ANKDD1A: variants seen among roughly 807,000 people sequenced by gnomAD.
ANKDD1A encodes ankyrin repeat and death domain-containing protein 1A.
Under a neutral mutation model 63.5 loss-of-function variants are expected in ANKDD1A, and 59 were observed. The observed-to-expected ratio is 0.93, with a 90% CI of 0.75 to 1.15. The LOEUF (loss-of-function observed/expected upper bound fraction) is 1.15, where lower values mean the gene tolerates loss of function less well. ANKDD1A is among the 50% of genes most tolerant of loss of function. ANKDD1A has a pLI of 0.00. For missense variants in ANKDD1A, 632 were observed against 656.4 expected, an observed-to-expected ratio of 0.96 and a Z score of 0.41; for synonymous variants, 266 against 263.9, an observed-to-expected ratio of 1.01 and a Z score of -0.08.
rs115720807 is a variant in ANKDD1A at position 64,943,824 on chromosome 15, T to C, written c.1065+242T>C. 2.7e-3 allele frequency: 1,440 copies of C among 531,712 alleles called. 13 individuals are homozygous for C. Among genetic ancestry groups the C allele is most frequent in the African/African-American group, 0.023 (1,200 of 52,620 alleles). The allele number at this position is 531,712 out of a possible 1,614,324, so 32.9% of individuals were successfully genotyped here. ...CCTCTGGTATAGGCCTGTGAAATGA[T>C]TGCTTTCTCCTTTATGGCCCCCATC... On this transcript the variant is annotated intron_variant, in intron 11 of 14. Coordinates refer to ENST00000319580, the MANE Select transcript of ANKDD1A (RefSeq NM_182703.6).
Position 64,958,064 on chromosome 15 carries a change from G to C in ANKDD1A, c.*876G>C, listed in dbSNP as rs975609257. On this transcript the variant is annotated 3_prime_UTR_variant, in exon 15 of 15. Coordinates refer to ENST00000319580, the MANE Select transcript of ANKDD1A (RefSeq NM_182703.6). ...TTTAACTTTTGAAATGTGTGAGAGT[G>C]TTACTTACTGAAAACTGAAAGGATA... 6.6e-6 allele frequency: 1 copy of C among 152,178 alleles called. No individual in the cohort carries two copies. Among genetic ancestry groups the C allele is most frequent in the Non-Finnish European group, 1.5e-5 (1 of 68,034 alleles). The allele number at this position is 152,178 out of a possible 1,614,324, so 9.4% of individuals were successfully genotyped here.
intron 9 of ANKDD1A, among the ~76,000 whole-genome samples, chr15:64,942,090 G>A (rs1001393473): frequency 5.9e-5 from 9 of 152,114 alleles, no homozygotes; most frequent in African/African-American, 1.9e-4. Flanking sequence ...TACTTCCTAG[G>A]TTGATGTGTG....
intron 3 of ANKDD1A, among the ~76,000 whole-genome samples, chr15:64,920,938 G>A (rs1014909719): frequency 1.1e-4 from 16 of 152,066 alleles, no homozygotes; most frequent in East Asian, 3.9e-4. Flanking sequence ...CAGGGACAAC[G>A]TATTTTTCAT....
intron 9 of ANKDD1A, among the ~76,000 whole-genome samples, chr15:64,941,817 T>G (rs764957394): frequency 1.3e-5 from 2 of 152,182 alleles, no homozygotes; most frequent in Non-Finnish European, 2.9e-5. Flanking sequence ...GGATGGTGTC[T>G]TCCACTGTTG....
intron 14 of ANKDD1A, among the ~76,000 whole-genome samples, chr15:64,955,149 G>T (rs1023489494): frequency 2.0e-5 from 3 of 151,714 alleles, no homozygotes; most frequent in Non-Finnish European, 2.9e-5. Flanking sequence ...CACCTCCCAG[G>T]TTCACGCCAT....
rs34988193 is a variant in ANKDD1A, at chr15:64,943,580, A to G, written c.1063A>G (p.Lys355Glu). ...IAGVDLNLRD[K>E]QGKTALAVAV... ...TGGGGTTGACTTAAACCTGAGAGAT[A>G]AGGTACCTCTGCTTACAACCCACCT... is the stretch of plus-strand genomic sequence containing the variant. Residue 355 changes from lysine (K) to glutamate (E), a missense_variant and splice_region_variant, in exon 11 of 15, where the codon AAG becomes GAG. Transcript: ENST00000319580. The G allele has an allele frequency of 0.33, 540,056 of 1,613,114 alleles. 94,663 individuals carry two copies. Among genetic ancestry groups the G allele is most frequent in the South Asian group, 0.45 (40,880 of 91,062 alleles).
chr15:64,918,680 G>A (rs1163475280), intron 3 of ANKDD1A, among the ~76,000 whole-genome samples: 2 of 152,140 alleles, frequency 1.3e-5, no homozygotes, highest in Non-Finnish European at 2.9e-5. Flanking sequence ...TTGGCCAGGT[G>A]CGGTGGCTCA....
At chr15:64,920,827 G>A (rs1043472393) in intron 3 of ANKDD1A, among the ~76,000 whole-genome samples, 9 of 151,688 alleles carry the variant, frequency 5.9e-5, no homozygotes, top group African/African-American at 2.2e-4. Context: ...TGAGATTACA[G>A]GCATGAGCCA....
At chr15:64,942,776 A>G (rs529843947) in intron 10 of ANKDD1A, among the ~76,000 whole-genome samples, 2 of 151,934 alleles carry the variant, frequency 1.3e-5, no homozygotes, top group South Asian at 4.2e-4. Context: ...GGTGTTCCCA[A>G]GTTTTGGCCA....
intron 14 of ANKDD1A, among the ~76,000 whole-genome samples, chr15:64,952,083 CTT>C (rs1323368315): frequency 6.3e-3 from 26 of 4,100 alleles, no homozygotes; most frequent in East Asian, 0.036. Context: ...CTTCTTCCTT[CTT>C]TTCTTCCTCT....
At chr15:64,911,989 G>C (rs935791280) in intron 1 of ANKDD1A, 25 bp downstream of exon 1, 14 of 388,146 alleles carry the variant, frequency 3.6e-5, no homozygotes, top group African/African-American at 2.7e-4. Flanking sequence ...AGGAGGGAGG[G>C]GGGCGGGCCG....
At chr15:64,951,811 C>G (rs946511980) in intron 14 of ANKDD1A, among the ~76,000 whole-genome samples, 1 of 132,886 alleles carries the variant, frequency 7.5e-6, no homozygotes, top group Non-Finnish European at 1.6e-5. Context: ...CTCTTTTCTT[C>G]TTTCTTCCTC....
chr15:64,949,837 T>G lies in ANKDD1A; in HGVS notation c.1352-4T>G. On this transcript the variant is annotated splice_region_variant and splice_polypyrimidine_tract_variant and intron_variant, in intron 13 of 14. Transcript: ENST00000319580. Reference sequence around the variant, plus strand: ...CTCTCTCTCTCCTCCCTCACTGTTCTCAGGCACCAGGAGCTATCAGGAGCA... The same window carrying G: ...CTCTCTCTCTCCTCCCTCACTGTTCGCAGGCACCAGGAGCTATCAGGAGCA... 6.2e-7 allele frequency: 1 copy of G among 1,600,782 alleles called. No individual in the cohort carries two copies. Among genetic ancestry groups the G allele is most frequent in the Non-Finnish European group, 8.5e-7 (1 of 1,179,544 alleles).
At chr15:64,952,127 TC>T (rs2085299401) in intron 14 of ANKDD1A, among the ~76,000 whole-genome samples, 1,376 of 135,984 alleles carry the variant, frequency 0.01, 21 homozygotes, top group African/African-American at 0.047. Flanking sequence ...TTCTTCTCTT[TC>T]TTCTTCTTCC....
chr15:64,953,624 CTTCT>C (rs1197740662), intron 14 of ANKDD1A, among the ~76,000 whole-genome samples: 22 of 19,822 alleles, frequency 1.1e-3, no homozygotes, highest in Non-Finnish European at 2.9e-3. Flanking sequence ...CCTTCTTCTT[CTTCT>C]TCCTTCTTCT....
chr15:64,952,100 CCTT>C (rs748580965), intron 14 of ANKDD1A, among the ~76,000 whole-genome samples: 5,065 of 51,106 alleles, frequency 0.099, 127 homozygotes, highest in Admixed American at 0.15. Context: ...TCCTCTTCTT[CCTT>C]CTTTTCTTCT....
intron 1 of ANKDD1A, among the ~76,000 whole-genome samples, chr15:64,913,826 C>T (rs1208341518): frequency 1.3e-5 from 2 of 152,192 alleles, no homozygotes; most frequent in East Asian, 3.8e-4. Context: ...CTGGACCAAA[C>T]ATGCAGGCTA....
intron 4 of ANKDD1A, among the ~76,000 whole-genome samples, chr15:64,923,087 G>A (rs368726978): frequency 6.6e-6 from 1 of 152,048 alleles, no homozygotes; most frequent in East Asian, 1.9e-4. Context: ...TCCTTTTATG[G>A]TAGGCAGAAT....
At position 64,917,383 on chromosome 15, in the gene ANKDD1A, C is replaced by T; in HGVS notation, c.139-3C>T. The T allele has an allele frequency of 6.2e-7, 1 of 1,602,468 alleles. No homozygotes were observed. Among genetic ancestry groups the T allele is most frequent in the Non-Finnish European group, 8.5e-7 (1 of 1,173,780 alleles). Reference sequence around the variant, plus strand: ...CTGACAAGTGTCATCTCCCTCCGGGCAGGTGGGCAGGGTGGCCCTGCACTG... The same window carrying T: ...CTGACAAGTGTCATCTCCCTCCGGGTAGGTGGGCAGGGTGGCCCTGCACTG... On this transcript the variant is annotated splice_polypyrimidine_tract_variant and splice_region_variant and intron_variant, in intron 2 of 14. Coordinates refer to ENST00000319580, the MANE Select transcript of ANKDD1A (RefSeq NM_182703.6).
Sources: allele counts gnomAD v4.1 joint callset (sites outside exome capture counted in the v4.1 genomes callset), GRCh38; gene constraint gnomAD v4.1.1; transcripts MANE v1.5; gene names NCBI Gene and HGNC (gene_info 2026-07-23, HGNC 2026-07-21).